Variants in AJAP1 observed in about 807,000 individuals in gnomAD.
AJAP1 encodes adherens junction-associated protein 1.
In AJAP1, 5 loss-of-function variants were observed where a neutral mutation model predicts 35.0. The ratio of observed to expected loss-of-function variants is 0.14; its 90% CI spans 0.07 to 0.30. The LOEUF is 0.30. Among genes scored for constraint, AJAP1 ranks in the 10% least tolerant of loss-of-function variants. The probability of loss-of-function intolerance (pLI) is 1.00; values close to 1 mark genes in which losing one functional copy is unlikely to be tolerated. For synonymous variants in AJAP1, 284 were observed against 249.3 expected, an observed-to-expected ratio of 1.14 and a Z score of -1.31; for missense variants, 586 against 571.0, an observed-to-expected ratio of 1.03 and a Z score of -0.27.
In AJAP1 at chr1:4,743,308, C is replaced by T. The variant is rs537166635; in HGVS notation, c.830-26545C>T. ...AAAAGCAAAGACCTCAGCACAAGAG[C>T]GCACATCTTAGCTGGGGATCAGCCT... is the stretch of plus-strand genomic sequence containing the variant. On this transcript the variant is annotated intron_variant, in intron 2 of 5. Coordinates refer to ENST00000378191, the MANE Select transcript of AJAP1 (RefSeq NM_018836.4). Among the ~76,000 whole-genome samples the T allele has an allele frequency of 3.9e-5, 6 of 152,230 alleles. No individual in the cohort carries two copies. The East Asian group carries it at 5.8e-4, about 15-fold the overall frequency.
chr1:4,716,548 A>T (rs1330811259), intron 2 of AJAP1, among the ~76,000 whole-genome samples: 2 of 151,810 alleles, frequency 1.3e-5, no homozygotes, highest in Non-Finnish European at 2.9e-5. Flanking sequence ...GATGATGGGG[A>T]TGATGATGAG....
At chr1:4,739,382 G>T (rs780793370) in intron 2 of AJAP1, among the ~76,000 whole-genome samples, 1 of 152,224 alleles carries the variant, frequency 6.6e-6, no homozygotes, top group African/African-American at 2.4e-5. Flanking sequence ...CAATGGTCAT[G>T]CGACAGGCCT....
chr1:4,697,455 A>G (rs544252877), intron 1 of AJAP1, among the ~76,000 whole-genome samples: 7 of 152,380 alleles, frequency 4.6e-5, no homozygotes, highest in Non-Finnish European at 5.9e-5. Flanking sequence ...GTGTTCAAAC[A>G]GAGGCTGGGA....
intron 1 of AJAP1, among the ~76,000 whole-genome samples, chr1:4,671,164 T>G (rs1290464090): frequency 1.3e-5 from 2 of 152,000 alleles, no homozygotes; most frequent in Non-Finnish European, 2.9e-5. Flanking sequence ...AGGTCAGAAG[T>G]TCAAGACCAG....
intron 1 of AJAP1, among the ~76,000 whole-genome samples, chr1:4,710,438 C>A (rs1284755745): frequency 2.7e-5 from 4 of 146,580 alleles, no homozygotes; most frequent in African/African-American, 1.0e-4. Flanking sequence ...CACACGCACA[C>A]ACTCACACCC....
intron 2 of AJAP1, among the ~76,000 whole-genome samples, chr1:4,757,054 T>C (rs991703175): frequency 2.6e-5 from 4 of 152,092 alleles, no homozygotes; most frequent in African/African-American, 9.7e-5. Flanking sequence ...GGCTCACACA[T>C]GAGTCGTTGT....
chr1:4,712,904 G>A (rs1185136332), intron 2 of AJAP1, among the ~76,000 whole-genome samples: 1 of 152,172 alleles, frequency 6.6e-6, no homozygotes, highest in Admixed American at 6.5e-5. Context: ...AGAAGGGAGA[G>A]TTTCCCTTTT....
chr1:4,740,642 C>T (rs1384553086), intron 2 of AJAP1, among the ~76,000 whole-genome samples: 1 of 151,364 alleles, frequency 6.6e-6, no homozygotes, highest in African/African-American at 2.4e-5. Context: ...AAAAATTAGC[C>T]GGGTGTGGTG....
chr1:4,722,325 C>T (rs907358671), intron 2 of AJAP1, among the ~76,000 whole-genome samples: 2 of 152,218 alleles, frequency 1.3e-5, no homozygotes, highest in African/African-American at 4.8e-5. Context: ...CAGAGGCGAT[C>T]CGTGGTTTGC....
At chr1:4,744,561 C>G (rs550632214) in intron 2 of AJAP1, among the ~76,000 whole-genome samples, 1 of 152,164 alleles carries the variant, frequency 6.6e-6, no homozygotes, top group Non-Finnish European at 1.5e-5. Flanking sequence ...TTCCCTCACA[C>G]CCAGCTGTGT....
chr1:4,744,001 G>C (rs1409996587), intron 2 of AJAP1, among the ~76,000 whole-genome samples: 3 of 152,242 alleles, frequency 2.0e-5, no homozygotes, highest in Non-Finnish European at 4.4e-5. Context: ...TTATCTGGGA[G>C]AGAGCTGGGA....
chr1:4,712,523 C>T lies in AJAP1; in HGVS notation c.653C>T (p.Ala218Val), dbSNP rs1210688580. 2.0e-6 allele frequency: 3 copies of T among 1,532,118 alleles called. No individual in the cohort carries two copies. The highest frequency in any genetic ancestry group is 2.4e-5 in the East Asian group (1 of 41,290). 94.9% of individuals were successfully genotyped at this position (1,532,118 alleles called of 1,614,324 possible). The change falls in exon 2 of 6, where the codon GCC (alanine) becomes GTC (valine). Residue 218 changes from alanine to valine, a missense_variant. Ala to Val is a moderately conservative substitution (Grantham distance 64, BLOSUM62 0). Transcript: ENST00000378191. ...ILQTRKTTVAATTTTTTTATP... is the reference protein window; with the variant it reads ...ILQTRKTTVAVTTTTTTTATP... ...CAAACACGGAAGACAACTGTGGCCG[C>T]CACCACCACCACCACCACCACGGCC...
chr1:4,695,861 G>C (rs981001534), intron 1 of AJAP1, among the ~76,000 whole-genome samples: 2 of 152,206 alleles, frequency 1.3e-5, no homozygotes, highest in African/African-American at 2.4e-5. Flanking sequence ...ATATGAACTT[G>C]AGGAGACCCA....
chr1:4,754,976 G>A (rs898876923), intron 2 of AJAP1, among the ~76,000 whole-genome samples: 13 of 152,172 alleles, frequency 8.5e-5, no homozygotes, highest in African/African-American at 3.1e-4. Context: ...AGCCCTGCCT[G>A]GGCAGGAACC....
intron 2 of AJAP1, among the ~76,000 whole-genome samples, chr1:4,743,528 G>A (rs1023676737): frequency 2.6e-5 from 4 of 152,282 alleles, no homozygotes; most frequent in African/African-American, 9.6e-5. Context: ...TAATGCGTAT[G>A]TGTCCGCGTT....
chr1:4,721,156 G>T (rs1220357368), intron 2 of AJAP1, among the ~76,000 whole-genome samples: 2 of 152,234 alleles, frequency 1.3e-5, no homozygotes, highest in African/African-American at 2.4e-5. Context: ...ACCCTGGGAA[G>T]GGGGTAGGAG....
chr1:4,739,602 G>A (rs1013682367), intron 2 of AJAP1, among the ~76,000 whole-genome samples: 22 of 152,204 alleles, frequency 1.4e-4, no homozygotes, highest in Non-Finnish European at 2.6e-4. Context: ...TATTTCACAC[G>A]AGCTGTTGGT....
chr1:4,748,755 A>G (rs77001155), intron 2 of AJAP1, among the ~76,000 whole-genome samples: 23,204 of 140,184 alleles, frequency 0.17, 1,313 homozygotes, highest in Admixed American at 0.27. Context: ...CTCAAAAAAA[A>G]AAAAAAAAAA....
At position 4,731,355 on chromosome 1, in the gene AJAP1, A is replaced by G. The variant is rs983631025; in HGVS notation, c.829+18656A>G. 5.3e-5 allele frequency among the ~76,000 whole-genome samples: 8 copies of G among 152,364 alleles called. No homozygotes were observed. The South Asian group carries it at 6.2e-4, about 12-fold the overall frequency. On this transcript the variant is annotated intron_variant, in intron 2 of 5. Coordinates refer to ENST00000378191, the MANE Select transcript of AJAP1 (RefSeq NM_018836.4). Reference sequence around the variant, plus strand: ...CTCAGCCTCCCAAAGTGCTAGGATTACAGGCGTGAGCCACTGTGCCTGGCC... The same window carrying G: ...CTCAGCCTCCCAAAGTGCTAGGATTGCAGGCGTGAGCCACTGTGCCTGGCC...
Sources: allele counts gnomAD v4.1 joint callset (sites outside exome capture counted in the v4.1 genomes callset), GRCh38; gene constraint gnomAD v4.1.1; transcripts MANE v1.5; gene names NCBI Gene and HGNC (gene_info 2026-07-23, HGNC 2026-07-21).